The following ADCY2 variants were observed in gnomAD, a reference collection of about 807,000 sequenced individuals.
ADCY2 encodes adenylate cyclase 2.
ADCY2 carries 31 observed loss-of-function variants against 125.2 expected under a neutral mutation model. The observed-to-expected ratio is 0.25, with a 90% confidence interval of 0.19 to 0.33. ADCY2 has a LOEUF of 0.33. ADCY2 is among the 10% of genes least tolerant of loss of function. ADCY2 has a pLI of 1.00. For synonymous variants in ADCY2, 512 were observed against 548.4 expected, an observed-to-expected ratio of 0.93 and a Z score of 0.93; for missense variants, 904 against 1,418.2, an observed-to-expected ratio of 0.64 and a Z score of 5.82.
intron 2 of ADCY2, among the ~76,000 whole-genome samples, chr5:7,433,553 C>G (rs1740685946): frequency 6.6e-6 from 1 of 151,796 alleles, no homozygotes; most frequent in Non-Finnish European, 1.5e-5. Flanking sequence ...ATGAAATATT[C>G]TAAGAAGCAT....
intron 22 of ADCY2, among the ~76,000 whole-genome samples, chr5:7,808,308 C>T (rs1443285310): frequency 6.6e-6 from 1 of 152,184 alleles, no homozygotes; most frequent in African/African-American, 2.4e-5. Context: ...CCTTCAAAGT[C>T]CCCAGCAGGG....
chr5:7,820,525 A>G (rs759125138), intron 23 of ADCY2, 40 bp from the exon 24 acceptor site: 4 of 1,611,282 alleles, frequency 2.5e-6, no homozygotes, highest in East Asian at 4.5e-5. Context: ...GACAATGGTT[A>G]TAAGATGAAT....
chr5:7,702,393 G>A (rs1164749823), intron 7 of ADCY2, among the ~76,000 whole-genome samples: 4 of 144,614 alleles, frequency 2.8e-5, no homozygotes, highest in South Asian at 2.4e-4. Flanking sequence ...CCCACCCCAC[G>A]ACAGGCCCCG....
rs552765494 is a variant in ADCY2 at position 7,490,235 on chromosome 5, C to T, written c.409-30503C>T. Among the ~76,000 whole-genome samples the T allele has an allele frequency of 3.1e-4, 47 of 151,920 alleles. 1 individual carries two copies. The highest frequency in any genetic ancestry group is 2.0e-3 in the Admixed American group (31 of 15,280). ...GTTTAATAAGAATAGCTTCTATAAG[C>T]GTTGTTCTTTTATTCCATTAATACC... On this transcript the variant is annotated intron_variant, in intron 2 of 24. Coordinates refer to ENST00000338316, the MANE Select transcript of ADCY2 (RefSeq NM_020546.3).
At chr5:7,428,457 T>G (rs1370414294) in intron 2 of ADCY2, among the ~76,000 whole-genome samples, 1 of 152,226 alleles carries the variant, frequency 6.6e-6, no homozygotes, top group African/African-American at 2.4e-5. Context: ...TTCATTTGCT[T>G]AAGTTCAGCT....
At chr5:7,471,394 A>G (rs1742331778) in intron 2 of ADCY2, among the ~76,000 whole-genome samples, 1 of 151,838 alleles carries the variant, frequency 6.6e-6, no homozygotes, top group Non-Finnish European at 1.5e-5. Context: ...ATTTTGGCTT[A>G]TTATTTATAC....
intron 3 of ADCY2, among the ~76,000 whole-genome samples, chr5:7,600,902 G>T (rs1737179010): frequency 6.6e-6 from 1 of 152,270 alleles, no homozygotes; most frequent in East Asian, 1.9e-4. Flanking sequence ...AGGAATTGGA[G>T]ATTTCTGAGA....
chr5:7,741,677 CCATCACCGTCACCATCATCA>C (rs1742421401), intron 14 of ADCY2, among the ~76,000 whole-genome samples: 1 of 1,488 alleles, frequency 6.7e-4, no homozygotes, highest in African/African-American at 2.6e-3. Context: ...ATCATCATCA[CCATCACCGTCACCATCATCA>C]CCATAACCAT....
chr5:7,642,747 A>C (rs985924358), intron 4 of ADCY2, among the ~76,000 whole-genome samples: 1 of 152,168 alleles, frequency 6.6e-6, no homozygotes, highest in African/African-American at 2.4e-5. Context: ...ATGAATTCCC[A>C]TGAGGCTAAT....
Position 7,827,474 on chromosome 5 carries a change from T to C in ADCY2, c.*603T>C, listed in dbSNP as rs1294738524. On this transcript the variant is annotated 3_prime_UTR_variant, in exon 25 of 25. Transcript: ENST00000338316. ...CCAGTTTTGTATCAAACTCGTCTGA[T>C]GTTTTGATGCCATTTGTCTTTTGTA... 1.3e-5 allele frequency: 2 copies of C among 152,642 alleles called. No homozygotes were observed. Among genetic ancestry groups the C allele is most frequent in the Non-Finnish European group, 2.9e-5 (2 of 68,064 alleles). The allele number at this position is 152,642 out of a possible 1,614,324, so 9.5% of individuals were successfully genotyped here.
chr5:7,676,358 G>T (rs1431859770), intron 4 of ADCY2, among the ~76,000 whole-genome samples: 1 of 152,184 alleles, frequency 6.6e-6, no homozygotes, highest in Non-Finnish European at 1.5e-5. Context: ...AACAGTCCCA[G>T]ATATTTCAAT....
intron 2 of ADCY2, among the ~76,000 whole-genome samples, chr5:7,494,420 C>T (rs1743274835): frequency 6.6e-6 from 1 of 152,160 alleles, no homozygotes; most frequent in South Asian, 2.1e-4. Context: ...CAACTCTACG[C>T]TTTCCCTCCC....
In ADCY2 at chr5:7,396,409, A is replaced by C. The variant is rs1216443139; in HGVS notation, c.113A>C (p.Tyr38Ser). The C allele has an allele frequency of 3.2e-6, 5 of 1,578,916 alleles. No homozygotes were observed. The highest frequency in any genetic ancestry group is 4.3e-6 in the Non-Finnish European group (5 of 1,163,202). ...RSRDWLYESY[Y>S]CMSQQHPLIV... ...CGGGACTGGCTCTACGAGTCCTACT[A>C]CTGCATGAGCCAGCAGCACCCGCTC... Residue 38 changes from tyrosine (Y) to serine (S), a missense_variant, in exon 1 of 25, where the codon TAC becomes TCC. Tyr to Ser is a moderately radical substitution (Grantham distance 144). Around this residue, in one of 7 missense-constraint regions of ADCY2, gnomAD observed 113 missense variants for 108.0 expected, o/e 1.05. Coordinates refer to ENST00000338316, the MANE Select transcript of ADCY2 (RefSeq NM_020546.3). The surrounding 1 kb of genome is among the most constrained non-coding windows in gnomAD (Gnocchi z 5.7).
chr5:7,825,096 T>C (rs1745425066), intron 24 of ADCY2, among the ~76,000 whole-genome samples: 1 of 151,316 alleles, frequency 6.6e-6, no homozygotes, highest in African/African-American at 2.4e-5. Flanking sequence ...AGCGCTGCAG[T>C]GTGCCACAAC....
At chr5:7,614,020 T>C (rs942733941) in intron 3 of ADCY2, among the ~76,000 whole-genome samples, 1 of 152,238 alleles carries the variant, frequency 6.6e-6, no homozygotes, top group Non-Finnish European at 1.5e-5. Context: ...GGACAGGCTT[T>C]GAAGAATTAA....
Position 7,783,890 on chromosome 5 carries a change from A to C in ADCY2, c.2385-475A>C, listed in dbSNP as rs150106237. Among the ~76,000 whole-genome samples, 337 of 152,334 alleles carry C rather than the reference A, an allele frequency of 2.2e-3. 2 individuals are homozygous for C. The highest frequency in any genetic ancestry group is 7.5e-3 in the African/African-American group (312 of 41,590). On this transcript the variant is annotated intron_variant, in intron 18 of 24. Coordinates refer to ENST00000338316, the MANE Select transcript of ADCY2 (RefSeq NM_020546.3). ...CCTTTGTGATACAAAATCATATGAA[A>C]GAGTGAATAAGATTGGATGACTGCT...
intron 1 of ADCY2, among the ~76,000 whole-genome samples, chr5:7,404,424 A>G (rs954521077): frequency 6.6e-6 from 1 of 152,214 alleles, no homozygotes; most frequent in African/African-American, 2.4e-5. Flanking sequence ...AACACAACAC[A>G]ACAAATGTTT....
chr5:7,783,349 G>A (rs1193483151), intron 18 of ADCY2, among the ~76,000 whole-genome samples: 1 of 152,174 alleles, frequency 6.6e-6, no homozygotes, highest in Non-Finnish European at 1.5e-5. Flanking sequence ...ACAGCCTGCA[G>A]GGTAGGGGTT....
chr5:7,602,518 T>G (rs936805600), intron 3 of ADCY2, among the ~76,000 whole-genome samples: 3 of 152,186 alleles, frequency 2.0e-5, no homozygotes, highest in African/African-American at 7.2e-5. Context: ...AAGTTCTACC[T>G]ACAAGAAGTC....
Sources: gnomAD v4.1 joint callset for allele counts (sites outside exome capture counted in the v4.1 genomes callset) on GRCh38, gnomAD v4.1.1 for gene constraint, gnomAD v4.1.1 regional missense constraint, Gnocchi (gnomAD v3.1) non-coding constraint, MANE v1.5 for transcripts, NCBI Gene and HGNC (gene_info 2026-07-23, HGNC 2026-07-21) for gene names.